The following CSMD1 variants were observed in gnomAD, a reference collection of about 807,000 sequenced individuals.
CSMD1 encodes the protein CUB and sushi domain-containing protein 1.
CSMD1 carries 213 observed loss-of-function variants against 417.5 expected under a neutral mutation model. The observed-to-expected ratio is 0.51, with a 90% CI of 0.46 to 0.57. CSMD1 has a LOEUF of 0.57. CSMD1 is among the 20% of genes least tolerant of loss of function. CSMD1 has a pLI of 0.00. For missense variants in CSMD1, 6,923 were observed against 4,529.7 expected (o/e 1.53, Z -15.17); for synonymous variants, 2,862 against 1,736.8 (o/e 1.65, Z -16.11).
At chr8:4,269,122 T>C (rs1234613561) in intron 3 of CSMD1, among the ~76,000 whole-genome samples, 6 of 152,218 alleles carry the variant, frequency 3.9e-5, no homozygotes, top group Non-Finnish European at 5.9e-5. Flanking sequence ...AGTGGTGTGA[T>C]CTTGGCTCAC....
intron 6 of CSMD1, among the ~76,000 whole-genome samples, chr8:3,752,970 G>C (rs576110171): frequency 5.3e-5 from 8 of 152,164 alleles, no homozygotes; most frequent in Non-Finnish European, 8.8e-5. Flanking sequence ...ATCTCCAGCA[G>C]GAGCTATAAT....
In CSMD1 at chr8:3,064,866, T is replaced by G. The variant is rs1035135950; in HGVS notation, c.7475-12219A>C. ...CATTAAAGACAAGTTAGGGGCTTAG[T>G]TTCAGAATCAAGGACCAAAAATCTT... On this transcript the variant is annotated intron_variant, in intron 49 of 69. Coordinates refer to ENST00000635120, the MANE Select transcript of CSMD1 (RefSeq NM_033225.6). Among the ~76,000 whole-genome samples the G allele has an allele frequency of 3.3e-5, 5 of 152,148 alleles. No homozygotes were observed. The South Asian group carries it at 6.2e-4, about 19-fold the overall frequency.
At chr8:4,146,351 G>C (rs1259710438) in intron 3 of CSMD1, among the ~76,000 whole-genome samples, 3 of 150,664 alleles carry the variant, frequency 2.0e-5, no homozygotes, top group Non-Finnish European at 2.9e-5. Flanking sequence ...ATTCTGATAA[G>C]CTTCAGCCCA....
chr8:3,258,086 G>A (rs1383624444), intron 26 of CSMD1, among the ~76,000 whole-genome samples: 1 of 152,146 alleles, frequency 6.6e-6, no homozygotes. Flanking sequence ...TTATAGGTAT[G>A]TCCAATAAGG....
intron 5 of CSMD1, among the ~76,000 whole-genome samples, chr8:3,775,139 G>T (rs1179900321): frequency 6.6e-6 from 1 of 152,188 alleles, no homozygotes; most frequent in Non-Finnish European, 1.5e-5. Flanking sequence ...AACTGAAACT[G>T]CAGATAAGGA....
chr8:2,971,218 C>T (rs1032257935), intron 57 of CSMD1, among the ~76,000 whole-genome samples: 4 of 152,148 alleles, frequency 2.6e-5, no homozygotes, highest in Non-Finnish European at 5.9e-5. Flanking sequence ...TAATAGTTGT[C>T]TTAAGATCCT....
chr8:4,446,663 C>T (rs752901797), intron 2 of CSMD1, among the ~76,000 whole-genome samples: 25 of 152,174 alleles, frequency 1.6e-4, no homozygotes, highest in Non-Finnish European at 2.6e-4. Flanking sequence ...GAGCCATTCT[C>T]TGTCTCAGTC....
intron 2 of CSMD1, among the ~76,000 whole-genome samples, chr8:4,541,942 C>T (rs968662222): frequency 2.6e-5 from 4 of 152,046 alleles, no homozygotes; most frequent in African/African-American, 4.8e-5. Context: ...TGTTGGCAGG[C>T]GATGAATTTC....
chr8:2,966,792 C>A, intron 57 of CSMD1, 46 bp from the exon 58 acceptor site: 1 of 1,585,766 alleles, frequency 6.3e-7, no homozygotes, highest in Admixed American at 1.7e-5. Context: ...AGTGACCCAG[C>A]ATGAAAATGG....
chr8:3,656,331 T>C (rs780884546), intron 7 of CSMD1, among the ~76,000 whole-genome samples: 9 of 152,206 alleles, frequency 5.9e-5, no homozygotes, highest in Non-Finnish European at 1.3e-4. Flanking sequence ...ATAGCACTAC[T>C]TTCCTAGAAA....
At chr8:4,565,523 T>G (rs56281620) in intron 2 of CSMD1, among the ~76,000 whole-genome samples, 14,108 of 151,884 alleles carry the variant, frequency 0.093, 750 homozygotes, top group South Asian at 0.13. Context: ...GATCACAAGG[T>G]CAGGTGTTTG....
intron 1 of CSMD1, among the ~76,000 whole-genome samples, chr8:4,958,917 A>G (rs544525742): frequency 1.2e-3 from 185 of 152,276 alleles, no homozygotes; most frequent in Non-Finnish European, 1.6e-3. Flanking sequence ...ATATTTTTAG[A>G]AAAAAATATA....
chr8:4,877,951 A>G (rs7843387), intron 1 of CSMD1, among the ~76,000 whole-genome samples: 2,960 of 152,204 alleles, frequency 0.019, 120 homozygotes, highest in African/African-American at 0.066. Context: ...AAACAGAGAC[A>G]CACTATAATC....
chr8:3,893,034 G>C (rs754937185), intron 5 of CSMD1, among the ~76,000 whole-genome samples: 2 of 151,670 alleles, frequency 1.3e-5, no homozygotes, highest in South Asian at 2.1e-4. Context: ...GTCAATAATA[G>C]TGATATGGAT....
At chr8:4,539,749 T>C (rs1052328603) in intron 2 of CSMD1, among the ~76,000 whole-genome samples, 4 of 152,374 alleles carry the variant, frequency 2.6e-5, no homozygotes, top group Non-Finnish European at 1.5e-5. Context: ...AAATGTTTTA[T>C]CTTTAGTCAC....
intron 3 of CSMD1, among the ~76,000 whole-genome samples, chr8:4,396,913 T>TAC (rs1381609836): frequency 4.6e-5 from 7 of 151,994 alleles, no homozygotes; most frequent in Non-Finnish European, 1.0e-4. Context: ...AACAAAAGAC[T>TAC]ACACCTTGGG....
At chr8:3,991,416 T>G (rs190891327) in intron 5 of CSMD1, among the ~76,000 whole-genome samples, 1 of 152,184 alleles carries the variant, frequency 6.6e-6, no homozygotes, top group Admixed American at 6.5e-5. Context: ...CACATCTTTA[T>G]GCGACAGCTT....
intron 6 of CSMD1, among the ~76,000 whole-genome samples, chr8:3,748,748 T>C (rs717428): frequency 0.12 from 18,909 of 152,228 alleles, 1,241 homozygotes; most frequent in African/African-American, 0.15. Flanking sequence ...AAAATGCCTT[T>C]CTAATAACAT....
At chr8:4,343,662 G>C (rs1450522302) in intron 3 of CSMD1, among the ~76,000 whole-genome samples, 1 of 152,112 alleles carries the variant, frequency 6.6e-6, no homozygotes, top group Admixed American at 6.6e-5. Flanking sequence ...AGGAGACAAA[G>C]TCTGTGTCTG....
Sources: allele counts gnomAD v4.1 joint callset (sites outside exome capture counted in the v4.1 genomes callset), GRCh38; gene constraint gnomAD v4.1.1; transcripts MANE v1.5; gene names NCBI Gene and HGNC (gene_info 2026-07-23, HGNC 2026-07-21).